BICD1: variants seen among roughly 807,000 people sequenced by gnomAD.
BICD1 encodes protein bicaudal D homolog 1.
A neutral mutation model predicts 92.5 loss-of-function variants in BICD1; 35 were observed. The ratio of observed to expected loss-of-function variants is 0.38; its 90% CI spans 0.29 to 0.50. BICD1 has a LOEUF of 0.50. Ranked by LOEUF, BICD1 falls within the 20% of genes least tolerant of loss-of-function variation. BICD1 has a pLI of 0.93. For synonymous variants in BICD1, 429 were observed against 465.1 expected (o/e 0.92, Z 1.00); for missense variants, 950 against 1,189.8 (o/e 0.80, Z 2.97).
At chr12:32,170,271 T>TA (rs1943898092) in intron 1 of BICD1, among the ~76,000 whole-genome samples, 1 of 152,226 alleles carries the variant, frequency 6.6e-6, no homozygotes, top group Admixed American at 6.5e-5. Context: ...CTCTGTTCCT[T>TA]ACCTGTTTCC....
intron 8 of BICD1, among the ~76,000 whole-genome samples, chr12:32,341,579 T>G (rs553922571): frequency 9.9e-4 from 151 of 152,324 alleles, no homozygotes; most frequent in African/African-American, 3.4e-3. Context: ...TTCTCACCAT[T>G]TATGTAAAGT....
chr12:32,181,516 A>C (rs1944272942), intron 1 of BICD1, among the ~76,000 whole-genome samples: 1 of 152,018 alleles, frequency 6.6e-6, no homozygotes, highest in Middle Eastern at 3.4e-3. Context: ...TTATTTTTAA[A>C]CTTGATTTTT....
intron 5 of BICD1, chr12:32,333,214 T>G (rs1369823106): frequency 3.0e-6 from 3 of 985,250 alleles, no homozygotes; most frequent in East Asian, 2.3e-4. Flanking sequence ...TTTTAAACAC[T>G]AAACAACTGC....
chr12:32,235,702 CTTT>C (rs112596407), intron 2 of BICD1, among the ~76,000 whole-genome samples: 1 of 135,048 alleles, frequency 7.4e-6, no homozygotes. Context: ...TTTTTCTTTT[CTTT>C]TTTTTTTTTT....
chr12:32,137,803 CTT>C (rs200095182), intron 1 of BICD1, among the ~76,000 whole-genome samples: 16,032 of 147,296 alleles, frequency 0.11, 1,110 homozygotes, highest in East Asian at 0.32. Flanking sequence ...AATATAAAAA[CTT>C]TTTTTTTTTT....
At chr12:32,136,483 A>ACCCTTTAGTG (rs1451365214) in intron 1 of BICD1, among the ~76,000 whole-genome samples, 1 of 152,194 alleles carries the variant, frequency 6.6e-6, no homozygotes, top group Non-Finnish European at 1.5e-5. Context: ...CCTTGGGCTA[A>ACCCTTTAGTG]CCCTTTAGTG....
In BICD1 at chr12:32,302,077, G is replaced by A. The variant is rs145115955; in HGVS notation, c.580-3620G>A. Among the ~76,000 whole-genome samples the A allele has an allele frequency of 5.0e-3, 762 of 152,020 alleles. 5 individuals carry two copies. Among genetic ancestry groups the A allele is most frequent in the African/African-American group, 0.018 (728 of 41,458 alleles). On this transcript the variant is annotated intron_variant, in intron 3 of 9. Coordinates refer to ENST00000652176, the MANE Select transcript of BICD1 (RefSeq NM_001714.4). ...AATTTTTTGTATTTTTAGTAGAGAC[G>A]GGGTTTCACTGTGTTAGCTAGGATG... is the stretch of plus-strand genomic sequence containing the variant.
At chr12:32,294,673 C>T (rs1392365883) in intron 3 of BICD1, among the ~76,000 whole-genome samples, 2 of 145,850 alleles carry the variant, frequency 1.4e-5, no homozygotes, top group Non-Finnish European at 3.0e-5. Context: ...TGTCTATGAG[C>T]TTAGGGTCTC....
rs767665413 is a variant in BICD1, at chr12:32,338,828, T to C, written c.2613T>C (p.Thr871=). 1 of 1,605,726 alleles carries C rather than the reference T, an allele frequency of 6.2e-7. No homozygotes were observed. The highest frequency in any genetic ancestry group is 8.5e-7 in the Non-Finnish European group (1 of 1,176,488). ...TTTGTGATCAGAGCCGTCCCAGGAC[T>C]TCAGGGGCTTCCTACCTACAGAATT... is the stretch of plus-strand genomic sequence containing the variant. The part of the protein sequence containing the change: ...PSLCDQSRPR[T]SGASYLQNLL... Residue 871 remains threonine, a synonymous_variant, in exon 8 of 10, where the codon ACT becomes ACC. Transcript: ENST00000652176.
chr12:32,146,571 T>C (rs1943109423), intron 1 of BICD1, among the ~76,000 whole-genome samples: 1 of 149,818 alleles, frequency 6.7e-6, no homozygotes. Context: ...ATTTAAGTAG[T>C]TCTTAAAGTC....
chr12:32,212,994 T>C (rs1945260322), intron 1 of BICD1, among the ~76,000 whole-genome samples: 1 of 152,242 alleles, frequency 6.6e-6, no homozygotes, highest in East Asian at 1.9e-4. Flanking sequence ...GATTTTCATG[T>C]ACCCTTGATA....
chr12:32,370,513 C>T (rs1175165197), intron 9 of BICD1, among the ~76,000 whole-genome samples: 1 of 152,128 alleles, frequency 6.6e-6, no homozygotes, highest in African/African-American at 2.4e-5. Context: ...GCACCCCCAG[C>T]CCTTACCCCA....
At chr12:32,197,065 G>A (rs548965651) in intron 1 of BICD1, among the ~76,000 whole-genome samples, 10 of 150,958 alleles carry the variant, frequency 6.6e-5, no homozygotes, top group Admixed American at 1.3e-4. Flanking sequence ...CTAGAGTGCA[G>A]TGGCACGATC....
intron 2 of BICD1, among the ~76,000 whole-genome samples, chr12:32,236,878 T>C (rs1946087973): frequency 6.9e-6 from 1 of 144,644 alleles, no homozygotes; most frequent in African/African-American, 2.6e-5. Flanking sequence ...AATTCTTTTT[T>C]TTTTTTTTTT....
At chr12:32,116,826 C>T (rs899406936) in intron 1 of BICD1, among the ~76,000 whole-genome samples, 1 of 151,994 alleles carries the variant, frequency 6.6e-6, no homozygotes, top group Non-Finnish European at 1.5e-5. Context: ...GTGATTCTCC[C>T]ACCTCAGCCT....
intron 2 of BICD1, among the ~76,000 whole-genome samples, chr12:32,231,999 T>G (rs946579006): frequency 2.0e-5 from 3 of 151,078 alleles, no homozygotes; most frequent in African/African-American, 7.3e-5. Flanking sequence ...GTTGGACATT[T>G]GGGTTGGTTC....
intron 3 of BICD1, among the ~76,000 whole-genome samples, chr12:32,300,134 C>T (rs1345827451): frequency 6.6e-6 from 1 of 151,634 alleles, no homozygotes; most frequent in Non-Finnish European, 1.5e-5. Flanking sequence ...CAGAGGCTCG[C>T]TCTGTCGCCC....
intron 1 of BICD1, among the ~76,000 whole-genome samples, chr12:32,202,097 A>G (rs1944920383): frequency 6.6e-6 from 1 of 152,212 alleles, no homozygotes; most frequent in African/African-American, 2.4e-5. Context: ...TTTGAACCCA[A>G]GATTTCCTGA....
intron 2 of BICD1, among the ~76,000 whole-genome samples, chr12:32,230,587 T>C (rs1353548608): frequency 6.6e-6 from 1 of 152,134 alleles, no homozygotes; most frequent in East Asian, 1.9e-4. Context: ...GTTTGCTACA[T>C]AACAGTAACA....
Sources: allele counts gnomAD v4.1 joint callset (sites outside exome capture counted in the v4.1 genomes callset), GRCh38; gene constraint gnomAD v4.1.1; transcripts MANE v1.5; gene names NCBI Gene and HGNC (gene_info 2026-07-23, HGNC 2026-07-21).